Variants in DIS3L2 observed in about 807,000 individuals in gnomAD.
The protein encoded by DIS3L2 is DIS3 like 3'-5' exoribonuclease 2, also known as DIS3-like exonuclease 2.
Under a neutral mutation model 97.5 loss-of-function variants are expected in DIS3L2, and 34 were observed. The observed-to-expected ratio is 0.35, with a 90% confidence interval of 0.27 to 0.46. The LOEUF is 0.46. Ranked by LOEUF, DIS3L2 falls within the 20% of genes least tolerant of loss-of-function variation. The pLI, the probability that DIS3L2 is intolerant of heterozygous loss-of-function variation, is 1.00. For missense variants in DIS3L2, 1,038 were observed against 1,146.0 expected (o/e 0.91, Z 1.36); for synonymous variants, 435 against 445.2 (o/e 0.98, Z 0.29).
At chr2:232,263,055 C>T (rs1369398464) in intron 12 of DIS3L2, 152 bp from the exon 13 acceptor site, 2 of 776,270 alleles carry the variant, frequency 2.6e-6, no homozygotes, top group African/African-American at 1.7e-5. Flanking sequence ...TCTGATTCAT[C>T]TGGGTGCCTA....
chr2:231,961,999 C>T (rs1022721412), intron 1 of DIS3L2, among the ~76,000 whole-genome samples: 2 of 152,254 alleles, frequency 1.3e-5, no homozygotes, highest in Non-Finnish European at 2.9e-5. Context: ...ACCGACCCGG[C>T]CTCCCAGGCC....
At chr2:232,235,296 A>C (rs1692903427) in intron 10 of DIS3L2, among the ~76,000 whole-genome samples, 1 of 152,242 alleles carries the variant, frequency 6.6e-6, no homozygotes, top group South Asian at 2.1e-4. Context: ...AATTTGTCTT[A>C]AACATTTTGG....
Position 232,230,628 on chromosome 2 carries a change from AGGCTCT to A in DIS3L2, c.1205-7904_1205-7899del, listed in dbSNP as rs199691382. Among the ~76,000 whole-genome samples the A allele has an allele frequency of 8.4e-3, 1,283 of 152,170 alleles. 22 individuals carry two copies. The highest frequency in any genetic ancestry group is 0.048 in the Admixed American group (739 of 15,286). Reference sequence around the variant, plus strand: ...GGTTGTACTTCTGATTGTGGTCTTGAGGCTCTTTGTTTTTGTTCAGTATGACTGCAG... The same window carrying A: ...GGTTGTACTTCTGATTGTGGTCTTGATTGTTTTTGTTCAGTATGACTGCAG... On this transcript the variant is annotated intron_variant, in intron 10 of 20. Transcript: ENST00000325385.
intron 14 of DIS3L2, among the ~76,000 whole-genome samples, chr2:232,300,776 C>T (rs1694835249): frequency 6.6e-6 from 1 of 151,720 alleles, no homozygotes. Context: ...CACCTGTTTC[C>T]CGAGTACCTG....
chr2:231,974,502 G>A (rs1033061442), intron 1 of DIS3L2, among the ~76,000 whole-genome samples: 3 of 145,436 alleles, frequency 2.1e-5, no homozygotes, highest in Admixed American at 6.8e-5. Flanking sequence ...TTTCATCTCA[G>A]TTGACATGGT....
chr2:232,014,158 C>T (rs1211773737), intron 1 of DIS3L2, among the ~76,000 whole-genome samples: 2 of 152,230 alleles, frequency 1.3e-5, no homozygotes, highest in African/African-American at 4.8e-5. Flanking sequence ...CACATTCCAG[C>T]CTGCTGATCC....
chr2:232,100,337 T>A (rs867425393), intron 6 of DIS3L2, among the ~76,000 whole-genome samples: 2 of 151,450 alleles, frequency 1.3e-5, no homozygotes, highest in African/African-American at 4.9e-5. Flanking sequence ...ACACCTGGCC[T>A]TTTTTTTCCT....
chr2:232,148,990 C>T (rs1022562173), intron 8 of DIS3L2, among the ~76,000 whole-genome samples: 2 of 147,836 alleles, frequency 1.4e-5, no homozygotes, highest in Non-Finnish European at 3.0e-5. Flanking sequence ...AAAACTTCTC[C>T]CCAGAAAAAG....
At chr2:232,165,150 C>T (rs1042905745) in intron 9 of DIS3L2, among the ~76,000 whole-genome samples, 16 of 152,276 alleles carry the variant, frequency 1.1e-4, no homozygotes, top group African/African-American at 3.9e-4. Context: ...CTGCTAATGT[C>T]CATTAATAAA....
At chr2:232,284,725 T>C (rs1433019753) in intron 13 of DIS3L2, among the ~76,000 whole-genome samples, 2 of 152,136 alleles carry the variant, frequency 1.3e-5, no homozygotes, top group Non-Finnish European at 2.9e-5. Context: ...AGTGCATCCA[T>C]CGTTCAGATC....
At chr2:232,081,697 TTTTC>T (rs1696405558) in intron 5 of DIS3L2, among the ~76,000 whole-genome samples, 1 of 152,234 alleles carries the variant, frequency 6.6e-6, no homozygotes, top group East Asian at 1.9e-4. Context: ...AGCTTTCTTG[TTTTC>T]CCAGTATGAC....
chr2:232,307,520 A>G (rs1023671154), intron 14 of DIS3L2: 1 of 149,456 alleles, frequency 6.7e-6, no homozygotes, highest in Non-Finnish European at 1.5e-5. Flanking sequence ...TTTTTTTGCC[A>G]TTTTTTGCCG....
At chr2:232,049,014 C>G (rs1232350591) in intron 5 of DIS3L2, among the ~76,000 whole-genome samples, 4 of 152,016 alleles carry the variant, frequency 2.6e-5, no homozygotes, top group Non-Finnish European at 5.9e-5. Context: ...GTATTGTAAG[C>G]TTTTTACGTA....
At chr2:232,186,174 T>C (rs889331543) in intron 9 of DIS3L2, among the ~76,000 whole-genome samples, 1 of 152,156 alleles carries the variant, frequency 6.6e-6, no homozygotes, top group Non-Finnish European at 1.5e-5. Flanking sequence ...GATAAGCCTT[T>C]AGCGAGATTG....
chr2:231,971,253 G>A (rs1692897596), intron 1 of DIS3L2, among the ~76,000 whole-genome samples: 1 of 150,574 alleles, frequency 6.6e-6, no homozygotes, highest in African/African-American at 2.5e-5. Flanking sequence ...TCGGGGTTTG[G>A]TGTACAGTTT....
chr2:232,296,921 A>T (rs1339636614), intron 13 of DIS3L2, among the ~76,000 whole-genome samples: 1 of 152,130 alleles, frequency 6.6e-6, no homozygotes, highest in African/African-American at 2.4e-5. Flanking sequence ...GTTGGTGTGA[A>T]CATAGTTTCC....
intron 6 of DIS3L2, among the ~76,000 whole-genome samples, chr2:232,125,777 A>G (rs866234469): frequency 7.2e-5 from 11 of 151,986 alleles, no homozygotes; most frequent in African/African-American, 2.7e-4. Flanking sequence ...GATCATAAGC[A>G]CTCGTTAGCC....
At chr2:232,327,489 A>G (rs1382291199) in intron 14 of DIS3L2, among the ~76,000 whole-genome samples, 1 of 152,248 alleles carries the variant, frequency 6.6e-6, no homozygotes, top group Non-Finnish European at 1.5e-5. Flanking sequence ...TGAGAGGGCA[A>G]AAGTACGCAT....
In DIS3L2 at chr2:232,263,231, A is replaced by T; in HGVS notation, c.1450A>T (p.Thr484Ser). The change falls in exon 13 of 21, where the codon ACC becomes TCC. Residue 484 changes from threonine (T) to serine (S), a missense_variant. By Grantham distance (58) the Thr-to-Ser change is moderately conservative. Around this residue, in one of 3 missense-constraint regions of DIS3L2, gnomAD observed 813 missense variants for 880.1 expected, o/e 0.92. Transcript: ENST00000325385. ...GATCCTTGATGAATGGTTTGGCCGGACCATCATCCGCTCCTGCACCAAACT... is the reference window on the plus strand; with the variant it reads ...GATCCTTGATGAATGGTTTGGCCGGTCCATCATCCGCTCCTGCACCAAACT... ...GKILDEWFGR[T>S]IIRSCTKLSY... is the part of the protein sequence containing the mutation. 2.5e-6 allele frequency: 4 copies of T among 1,614,218 alleles called. No individual in the cohort carries two copies. The highest frequency in any genetic ancestry group is 3.4e-6 in the Non-Finnish European group (4 of 1,180,042).
Sources: gnomAD v4.1 joint callset for allele counts (sites outside exome capture counted in the v4.1 genomes callset) on GRCh38, gnomAD v4.1.1 for gene constraint, gnomAD v4.1.1 regional missense constraint, MANE v1.5 for transcripts, NCBI Gene and HGNC (gene_info 2026-07-23, HGNC 2026-07-21) for gene names.